The following ADAMTS16 variants were observed in gnomAD, a reference collection of about 807,000 sequenced individuals.
ADAMTS16 encodes ADAM metallopeptidase with thrombospondin type 1 motif 16, also known as A disintegrin and metalloproteinase with thrombospondin motifs 16.
ADAMTS16 carries 94 observed loss-of-function variants against 145.8 expected under a neutral mutation model. The observed-to-expected ratio is 0.64, with a 90% confidence interval of 0.55 to 0.77. ADAMTS16 has a LOEUF of 0.77. Among genes scored for constraint, ADAMTS16 ranks in the 30% least tolerant of loss-of-function variants. The pLI is 0.00. For missense variants in ADAMTS16, 1,585 were observed against 1,591.5 expected (o/e 1.00, Z 0.07); for synonymous variants, 659 against 604.3 (o/e 1.09, Z -1.33).
At position 5,146,473 on chromosome 5, in the gene ADAMTS16, C is replaced by G. The variant is rs764070356; in HGVS notation, c.501+18C>G. 8.2e-6 allele frequency: 13 copies of G among 1,578,902 alleles called. No homozygotes were observed. Among genetic ancestry groups the G allele is most frequent in the East Asian group, 6.8e-5 (3 of 44,444 alleles). On this transcript the variant is annotated intron_variant, in intron 3 of 22. Coordinates refer to ENST00000274181, the MANE Select transcript of ADAMTS16 (RefSeq NM_139056.4). ...AAGGCTTGGTGAGTACAGCGCAAGCCCCAGGTAGGGAGGCGAGGTTGGTGA... is the reference window on the plus strand; with the variant it reads ...AAGGCTTGGTGAGTACAGCGCAAGCGCCAGGTAGGGAGGCGAGGTTGGTGA...
intron 9 of ADAMTS16, among the ~76,000 whole-genome samples, chr5:5,200,729 T>C (rs1400946960): frequency 6.6e-6 from 1 of 152,110 alleles, no homozygotes; most frequent in Non-Finnish European, 1.5e-5. Flanking sequence ...CCTTTCTCTC[T>C]CACTTTCTTT....
intron 3 of ADAMTS16, among the ~76,000 whole-genome samples, chr5:5,173,414 G>T (rs1579287907): frequency 7.1e-6 from 1 of 141,262 alleles, no homozygotes. Flanking sequence ...TGTATCTTTT[G>T]TACTTTTTTT....
At position 5,144,986 on chromosome 5, in the gene ADAMTS16, C is replaced by T. The variant is rs1474617307; in HGVS notation, c.176-1144C>T. 2.0e-5 allele frequency among the ~76,000 whole-genome samples: 3 copies of T among 152,272 alleles called. No individual in the cohort carries two copies. In the East Asian group the frequency reaches 5.8e-4, roughly 30 times the overall value. On this transcript the variant is annotated intron_variant, in intron 2 of 22. Coordinates refer to ENST00000274181, the MANE Select transcript of ADAMTS16 (RefSeq NM_139056.4). Reference sequence around the variant, plus strand: ...GGTGGGCGAGGCATGGAGCTCTGTCCGTCTCCCCCAGCCTTTTGGAATTGA... The same window carrying T: ...GGTGGGCGAGGCATGGAGCTCTGTCTGTCTCCCCCAGCCTTTTGGAATTGA...
intron 18 of ADAMTS16, among the ~76,000 whole-genome samples, chr5:5,273,604 G>A (rs1043235300): frequency 1.3e-5 from 2 of 152,232 alleles, no homozygotes; most frequent in African/African-American, 4.8e-5. Flanking sequence ...AGGTAGGAAT[G>A]CCGTGGCTTG....
At chr5:5,242,234 C>T (rs769796037) in intron 17 of ADAMTS16, 43 bp downstream of exon 17, 3 of 1,606,966 alleles carry the variant, frequency 1.9e-6, no homozygotes, top group African/African-American at 1.3e-5. Context: ...GCATGTCAGC[C>T]TTCAGCCACT....
chr5:5,280,067 A>G (rs2913671), intron 18 of ADAMTS16, among the ~76,000 whole-genome samples: 3 of 151,540 alleles, frequency 2.0e-5, no homozygotes, highest in African/African-American at 7.3e-5. Flanking sequence ...TTCCTCCACA[A>G]TCCTTCCAGT....
chr5:5,162,110 A>G (rs1265766721), intron 3 of ADAMTS16, among the ~76,000 whole-genome samples: 1 of 152,218 alleles, frequency 6.6e-6, no homozygotes, highest in African/African-American at 2.4e-5. Context: ...ATGTTAAAGT[A>G]TGTGCCAGTG....
chr5:5,265,789 T>C (rs927126410), intron 18 of ADAMTS16, among the ~76,000 whole-genome samples: 5 of 152,164 alleles, frequency 3.3e-5, no homozygotes, highest in African/African-American at 1.2e-4. Flanking sequence ...TTCCAGTTGG[T>C]GTTGACATCA....
chr5:5,220,156 CTT>C lies in ADAMTS16; in HGVS notation c.1606-2613_1606-2612del, dbSNP rs11323873. On this transcript the variant is annotated intron_variant, in intron 10 of 22. Transcript: ENST00000274181. ...TAAGGAACATAGTAAAATAATTTAA[CTT>C]TTTTTTTTTTTTTTTTTTTGAGATG... is the stretch of plus-strand genomic sequence containing the variant. 8.8e-3 allele frequency among the ~76,000 whole-genome samples: 1,045 copies of C among 118,186 alleles called. 10 individuals are homozygous for C. Among genetic ancestry groups the C allele is most frequent in the African/African-American group, 0.028 (828 of 29,320 alleles). 77.5% of individuals were successfully genotyped at this position (118,186 alleles called of 152,430 possible).
Position 5,187,732 on chromosome 5 carries a change from C to T in ADAMTS16, c.971C>T (p.Ala324Val). 2.5e-6 allele frequency: 4 copies of T among 1,610,554 alleles called. No homozygotes were observed. Among genetic ancestry groups the T allele is most frequent in the East Asian group, 2.2e-5 (1 of 44,814 alleles). ...YVLTILNMVS[A>V]LFKDGTIGGN... is the part of the protein sequence containing the mutation. ...ATTTCCTGTCTTTTTCAGGTATCTG[C>T]TTTATTCAAAGATGGAACAATAGGA... The change falls in exon 6 of 23, where the codon GCT becomes GTT. Residue 324 changes from alanine (A) to valine (V), a missense_variant. Coordinates refer to ENST00000274181, the MANE Select transcript of ADAMTS16 (RefSeq NM_139056.4).
At chr5:5,169,235 G>A (rs1734980992) in intron 3 of ADAMTS16, among the ~76,000 whole-genome samples, 2 of 152,240 alleles carry the variant, frequency 1.3e-5, no homozygotes, top group South Asian at 4.2e-4. Flanking sequence ...TTATCACTAT[G>A]CTCCTTCTGG....
chr5:5,293,302 C>T (rs1424103830), intron 18 of ADAMTS16, among the ~76,000 whole-genome samples: 3 of 152,110 alleles, frequency 2.0e-5, no homozygotes, highest in Admixed American at 6.5e-5. Context: ...TTTCCTTTCT[C>T]GGTTCCCTCA....
chr5:5,144,968 G>A (rs926975771), intron 2 of ADAMTS16, among the ~76,000 whole-genome samples: 3 of 152,158 alleles, frequency 2.0e-5, no homozygotes, highest in Admixed American at 1.3e-4. Flanking sequence ...TTGGGTGGGC[G>A]AGGCATGGAG....
rs999820034 is a variant in ADAMTS16 at position 5,146,053 on chromosome 5, A to G, written c.176-77A>G. ...GGTGGAAAGGTCATGTGGTAAAATA[A>G]TATTATATCTTAAGACTTCCTGATT... On this transcript the variant is annotated intron_variant, in intron 2 of 22. Transcript: ENST00000274181. 1.3e-4 allele frequency: 165 copies of G among 1,283,312 alleles called. 2 individuals carry two copies. The South Asian group carries it at 1.4e-3, about 11-fold the overall frequency. 79.5% of individuals were successfully genotyped at this position (1,283,312 alleles called of 1,614,324 possible).
chr5:5,301,573 T>G (rs1449112294), intron 18 of ADAMTS16, among the ~76,000 whole-genome samples: 3 of 152,152 alleles, frequency 2.0e-5, no homozygotes, highest in Non-Finnish European at 4.4e-5. Context: ...CAAATGCCAT[T>G]CTCGAGAACA....
chr5:5,175,728 A>T (rs1490946710), intron 3 of ADAMTS16, among the ~76,000 whole-genome samples: 1 of 152,030 alleles, frequency 6.6e-6, no homozygotes, highest in Admixed American at 6.5e-5. Flanking sequence ...GTCTGGTCTA[A>T]ATGTTCCGTC....
chr5:5,285,309 T>A (rs13182905), intron 18 of ADAMTS16, among the ~76,000 whole-genome samples: 8,726 of 152,314 alleles, frequency 0.057, 312 homozygotes, highest in Middle Eastern at 0.13. Flanking sequence ...CAGTGAAGGA[T>A]GCTTGTGAAA....
At chr5:5,191,253 T>C (rs1735656318) in intron 7 of ADAMTS16, among the ~76,000 whole-genome samples, 1 of 152,224 alleles carries the variant, frequency 6.6e-6, no homozygotes, top group Non-Finnish European at 1.5e-5. Context: ...ATGTGAATCA[T>C]TAAAGCTGGG....
Position 5,189,348 on chromosome 5 carries a change from G to A in ADAMTS16, c.1048-623G>A, listed in dbSNP as rs938171176. On this transcript the variant is annotated intron_variant, in intron 6 of 22. Coordinates refer to ENST00000274181, the MANE Select transcript of ADAMTS16 (RefSeq NM_139056.4). ...CTACGCTCTGTTACTTCATCGTTGC[G>A]TTATCTGAACCTAATGGAGACAGAG... Among the ~76,000 whole-genome samples the A allele has an allele frequency of 1.1e-4, 17 of 152,156 alleles. 1 individual carries two copies. Among genetic ancestry groups the A allele is most frequent in the African/African-American group, 2.9e-4 (12 of 41,418 alleles).
Sources: allele counts gnomAD v4.1 joint callset (sites outside exome capture counted in the v4.1 genomes callset), GRCh38; gene constraint gnomAD v4.1.1; transcripts MANE v1.5; gene names NCBI Gene and HGNC (gene_info 2026-07-23, HGNC 2026-07-21).